AK8: variants seen among roughly 807,000 people sequenced by gnomAD.
AK8 encodes the protein adenylate kinase 8, also known as ATP-AMP transphosphorylase 8.
Under a neutral mutation model 54.6 loss-of-function variants are expected in AK8, and 44 were observed. That is an observed-to-expected ratio of 0.81 (90% CI 0.63 to 1.04). AK8 has a LOEUF of 1.04. AK8 is among the 50% of genes least tolerant of loss of function. The probability of loss-of-function intolerance (pLI) is 0.00; values close to 1 mark genes in which losing one functional copy is unlikely to be tolerated. For synonymous variants in AK8, 239 were observed against 245.6 expected, an observed-to-expected ratio of 0.97 and a Z score of 0.25; for missense variants, 555 against 613.6, an observed-to-expected ratio of 0.90 and a Z score of 1.01.
intron 8 of AK8, among the ~76,000 whole-genome samples, chr9:132,825,780 A>G (rs1841844708): frequency 6.6e-6 from 1 of 152,246 alleles, no homozygotes; most frequent in Non-Finnish European, 1.5e-5. Context: ...CCGGCAAAAC[A>G]GGACTTTTCT....
intron 11 of AK8, among the ~76,000 whole-genome samples, chr9:132,761,519 C>A (rs1270025780): frequency 6.6e-6 from 1 of 152,128 alleles, no homozygotes; most frequent in Non-Finnish European, 1.5e-5. Context: ...ACCTCAGCTT[C>A]CCAAAGTGCT....
Position 132,790,168 on chromosome 9 carries a change from G to T in AK8, c.1121+2466C>A, listed in dbSNP as rs1839886165. ...TATTAACATAATTTATAATACCAAT[G>T]TGTCAAAAAGGAAAAACAATTTTAA... is the stretch of plus-strand genomic sequence containing the variant. On this transcript the variant is annotated intron_variant, in intron 11 of 12. Transcript: ENST00000298545. The surrounding 1 kb of genome is among the most constrained non-coding windows in gnomAD (Gnocchi z 4.1). 6.6e-6 allele frequency among the ~76,000 whole-genome samples: 1 copy of T among 151,898 alleles called. No individual in the cohort carries two copies. Among genetic ancestry groups the T allele is most frequent in the Non-Finnish European group, 1.5e-5 (1 of 67,990 alleles).
chr9:132,857,741 G>C (rs1843230448), intron 4 of AK8, among the ~76,000 whole-genome samples: 1 of 152,218 alleles, frequency 6.6e-6, no homozygotes, highest in African/African-American at 2.4e-5. Context: ...AAAGAGCACC[G>C]GCTGAAAGGC....
Position 132,809,357 on chromosome 9 carries a change from T to A in AK8, c.979+5281A>T, listed in dbSNP as rs139706212. Among the ~76,000 whole-genome samples the A allele has an allele frequency of 3.2e-4, 49 of 152,276 alleles. No homozygotes were observed. In the South Asian group the frequency reaches 6.4e-3, roughly 20 times the overall value. The stretch of plus-strand genomic sequence containing the variant: ...AGGTCCTTCTGGTTGCAGGGCAGTG[T>A]TCGGAAGCTGAATTCCACTGTTCCC... On this transcript the variant is annotated intron_variant, in intron 10 of 12. Coordinates refer to ENST00000298545, the MANE Select transcript of AK8 (RefSeq NM_152572.3).
chr9:132,827,999 G>A lies in AK8; in HGVS notation c.556+14C>T. On this transcript the variant is annotated intron_variant, in intron 7 of 12. Transcript: ENST00000298545. ...AAACCCCATGGGGCTGGGTGGGGGT[G>A]GCCGTAGCCATACCTCCAGTTTGAG... The A allele has an allele frequency of 6.4e-7, 1 of 1,556,874 alleles. No homozygotes were observed. The highest frequency in any genetic ancestry group is 8.7e-7 in the Non-Finnish European group (1 of 1,149,504).
intron 11 of AK8, among the ~76,000 whole-genome samples, chr9:132,755,281 C>T (rs1005888851): frequency 8.5e-5 from 13 of 152,166 alleles, no homozygotes; most frequent in Non-Finnish European, 1.6e-4. Flanking sequence ...CGCTTTCTTG[C>T]CTATGGTATC....
intron 11 of AK8, among the ~76,000 whole-genome samples, chr9:132,735,150 C>G (rs563959064): frequency 6.6e-6 from 1 of 152,196 alleles, no homozygotes; most frequent in South Asian, 2.1e-4. Flanking sequence ...GGGGTTCATA[C>G]TCTGTCACTC....
chr9:132,831,627 G>A (rs1398625346), intron 5 of AK8, among the ~76,000 whole-genome samples: 1 of 152,224 alleles, frequency 6.6e-6, no homozygotes, highest in African/African-American at 2.4e-5. Flanking sequence ...CTCAGCCACT[G>A]GGAGACTCAG....
chr9:132,817,770 C>T (rs1841395589), intron 9 of AK8, among the ~76,000 whole-genome samples: 2 of 152,184 alleles, frequency 1.3e-5, no homozygotes, highest in South Asian at 4.2e-4. Context: ...AACTGTAGTT[C>T]CAGAAAGAAG....
intron 3 of AK8, among the ~76,000 whole-genome samples, chr9:132,865,394 G>A (rs1843546499): frequency 2.0e-5 from 3 of 152,272 alleles, no homozygotes; most frequent in East Asian, 1.9e-4. Context: ...GCCCCATCCC[G>A]TCCATGATAC....
At chr9:132,759,072 T>C (rs148472927) in intron 11 of AK8, among the ~76,000 whole-genome samples, 2 of 151,746 alleles carry the variant, frequency 1.3e-5, no homozygotes, top group Non-Finnish European at 2.9e-5. Context: ...GGTGGTGTGT[T>C]GTAGTCCCAG....
At chr9:132,797,820 G>A (rs546717269) in intron 10 of AK8, among the ~76,000 whole-genome samples, 19 of 152,218 alleles carry the variant, frequency 1.2e-4, no homozygotes, top group Non-Finnish European at 2.4e-4. Flanking sequence ...GGCCATGGGC[G>A]GCTCTCCCTT....
intron 1 of AK8, among the ~76,000 whole-genome samples, chr9:132,876,583 A>C (rs1482922630): frequency 6.6e-6 from 1 of 152,228 alleles, no homozygotes; most frequent in South Asian, 2.1e-4. Context: ...AGTTCAGGTA[A>C]TCCTATTGTA....
At chr9:132,762,643 GA>G (rs1241586178) in intron 11 of AK8, among the ~76,000 whole-genome samples, 2 of 152,044 alleles carry the variant, frequency 1.3e-5, no homozygotes, top group African/African-American at 4.8e-5. Context: ...AAAACGGAAG[GA>G]AACAATCCCA....
intron 11 of AK8, among the ~76,000 whole-genome samples, chr9:132,768,474 T>A (rs1295076674): frequency 6.6e-6 from 1 of 152,102 alleles, no homozygotes; most frequent in African/African-American, 2.4e-5. Context: ...TCCATGTTTG[T>A]CAGGCTGATC....
At chr9:132,798,961 T>G (rs1050039107) in intron 10 of AK8, among the ~76,000 whole-genome samples, 3 of 152,080 alleles carry the variant, frequency 2.0e-5, no homozygotes, top group Non-Finnish European at 4.4e-5. Flanking sequence ...CGCACAGCAG[T>G]TCCACGGCTC....
chr9:132,871,689 G>A (rs1288368563), intron 2 of AK8, among the ~76,000 whole-genome samples: 2 of 152,224 alleles, frequency 1.3e-5, no homozygotes, highest in Non-Finnish European at 2.9e-5. Flanking sequence ...CAGAGCAGGT[G>A]CAGTGCAGAG....
chr9:132,773,518 G>A (rs932887), intron 11 of AK8, among the ~76,000 whole-genome samples: 81,874 of 152,104 alleles, frequency 0.54, 25,145 homozygotes, highest in East Asian at 0.81. Flanking sequence ...CACCTGAAGC[G>A]TCTTAGGTTT....
intron 10 of AK8, among the ~76,000 whole-genome samples, chr9:132,808,404 T>A (rs1050544903): frequency 9.2e-5 from 14 of 152,150 alleles, no homozygotes; most frequent in Admixed American, 6.5e-4. Flanking sequence ...CACAGTGCCA[T>A]CACCAAGAGC....
Sources: allele counts gnomAD v4.1 joint callset (sites outside exome capture counted in the v4.1 genomes callset), GRCh38; gene constraint gnomAD v4.1.1; non-coding constraint Gnocchi (gnomAD v3.1); transcripts MANE v1.5; gene names NCBI Gene and HGNC (gene_info 2026-07-23, HGNC 2026-07-21).